Variants in SHROOM3 observed in about 807,000 individuals in gnomAD.
The protein encoded by SHROOM3 is shroom family member 3, also known as protein Shroom3.
In SHROOM3, 47 loss-of-function variants were observed where a neutral mutation model predicts 138.6. That is an observed-to-expected ratio of 0.34 (90% confidence interval 0.27 to 0.43). The LOEUF (loss-of-function observed/expected upper bound fraction) is 0.43. SHROOM3 is among the 20% of genes least tolerant of loss of function. SHROOM3 has a pLI of 1.00. For missense variants in SHROOM3, 2,491 were observed against 2,596.5 expected (o/e 0.96, Z 0.88); for synonymous variants, 1,062 against 1,063.3 (o/e 1.00, Z 0.02).
At chr4:76,691,750 A>C (rs2172505) in intron 2 of SHROOM3, among the ~76,000 whole-genome samples, 26,144 of 152,166 alleles carry the variant, frequency 0.17, 2,689 homozygotes, top group East Asian at 0.35. Context: ...ATCCTGTCTT[A>C]TGTGTTAAAT....
At chr4:76,461,112 T>A (rs1731134163) in intron 1 of SHROOM3, among the ~76,000 whole-genome samples, 1 of 152,080 alleles carries the variant, frequency 6.6e-6, no homozygotes, top group Non-Finnish European at 1.5e-5. Context: ...AAGCCCTATC[T>A]CTAAAAAGTC....
intron 2 of SHROOM3, among the ~76,000 whole-genome samples, chr4:76,584,281 G>C (rs764847209): frequency 1.3e-4 from 19 of 151,414 alleles, no homozygotes; most frequent in Non-Finnish European, 2.6e-4. Context: ...TTGCACCACT[G>C]CACTCCAGCC....
At chr4:76,685,509 C>T (rs1719311416) in intron 2 of SHROOM3, among the ~76,000 whole-genome samples, 1 of 152,000 alleles carries the variant, frequency 6.6e-6, no homozygotes, top group Admixed American at 6.6e-5. Context: ...TATAGATGAA[C>T]CAGGGAATTT....
chr4:76,764,247 A>G (rs1722077549), intron 9 of SHROOM3, among the ~76,000 whole-genome samples: 1 of 152,256 alleles, frequency 6.6e-6, no homozygotes, highest in East Asian at 1.9e-4. Context: ...AACTAAAGAC[A>G]GTGTAAATAA....
At chr4:76,695,692 T>G (rs1159945072) in intron 2 of SHROOM3, among the ~76,000 whole-genome samples, 2 of 152,234 alleles carry the variant, frequency 1.3e-5, no homozygotes, top group African/African-American at 4.8e-5. Flanking sequence ...GATCCTAGTA[T>G]CTGTTCCTAT....
intron 2 of SHROOM3, among the ~76,000 whole-genome samples, chr4:76,708,019 G>A (rs17002186): frequency 0.41 from 62,525 of 151,694 alleles, 14,028 homozygotes; most frequent in African/African-American, 0.58. Context: ...AGGGGCAAAG[G>A]TTAGCCTGGA....
chr4:76,730,548 T>C (rs1272978211), intron 3 of SHROOM3, among the ~76,000 whole-genome samples: 1 of 152,244 alleles, frequency 6.6e-6, no homozygotes, highest in Non-Finnish European at 1.5e-5. Flanking sequence ...GAGAATTCTT[T>C]ACACTAATTT....
intron 2 of SHROOM3, among the ~76,000 whole-genome samples, chr4:76,675,007 T>G (rs1009223868): frequency 6.6e-6 from 1 of 152,194 alleles, no homozygotes; most frequent in African/African-American, 2.4e-5. Flanking sequence ...TTTTCTGAAA[T>G]CTGGCAGTTA....
At chr4:76,507,513 A>T (rs935691169) in intron 1 of SHROOM3, among the ~76,000 whole-genome samples, 3 of 148,652 alleles carry the variant, frequency 2.0e-5, no homozygotes, top group African/African-American at 7.4e-5. Context: ...GCATCTTTTC[A>T]TGCACTTTTG....
At chr4:76,766,615 C>G (rs1410936627) in intron 9 of SHROOM3, among the ~76,000 whole-genome samples, 2 of 152,202 alleles carry the variant, frequency 1.3e-5, no homozygotes, top group Non-Finnish European at 2.9e-5. Flanking sequence ...TCTCCCTCCC[C>G]CGGTGAGTTA....
intron 2 of SHROOM3, among the ~76,000 whole-genome samples, chr4:76,557,762 A>G (rs1733517424): frequency 6.6e-6 from 1 of 152,216 alleles, no homozygotes; most frequent in Admixed American, 6.5e-5. Flanking sequence ...GGGCAATCCA[A>G]CATACTTTAC....
At chr4:76,757,695 C>A (rs1002332677) in intron 8 of SHROOM3, among the ~76,000 whole-genome samples, 11 of 152,224 alleles carry the variant, frequency 7.2e-5, no homozygotes, top group Non-Finnish European at 1.6e-4. Flanking sequence ...TGAGCCTCTG[C>A]TTCTGAAGCT....
At chr4:76,711,625 C>T (rs57192435) in intron 3 of SHROOM3, among the ~76,000 whole-genome samples, 26,501 of 151,906 alleles carry the variant, frequency 0.17, 2,602 homozygotes, top group East Asian at 0.33. Flanking sequence ...CCTGGGAGGT[C>T]GAGGCTACAG....
At chr4:76,528,584 T>C (rs912408034) in intron 1 of SHROOM3, among the ~76,000 whole-genome samples, 43 of 141,692 alleles carry the variant, frequency 3.0e-4, no homozygotes, top group African/African-American at 1.1e-3. Flanking sequence ...TTACTCTTGT[T>C]GCCCAGGCTG....
chr4:76,754,543 A>AT lies in SHROOM3; in HGVS notation c.4062dup (p.Gly1355TrpfsTer50). On this transcript the variant is annotated frameshift_variant, in exon 7 of 11. Transcript: ENST00000296043. LOFTEE classifies it high-confidence loss of function. ...CACCAGGGCTGCACCCCTGACCCCAATTGGCACCCCTCTGCCTTCAGCCAT... is the reference window on the plus strand; with the variant it reads ...CACCAGGGCTGCACCCCTGACCCCAATTTGGCACCCCTCTGCCTTCAGCCAT... The AT allele has an allele frequency of 6.2e-7, 1 of 1,613,596 alleles. No individual in the cohort carries two copies. The highest frequency in any genetic ancestry group is 8.5e-7 in the Non-Finnish European group (1 of 1,179,606).
chr4:76,497,930 T>G (rs1324556752), intron 1 of SHROOM3, among the ~76,000 whole-genome samples: 1 of 152,182 alleles, frequency 6.6e-6, no homozygotes, highest in Non-Finnish European at 1.5e-5. Context: ...CGTGCATGGC[T>G]GGAGCAGAGC....
At chr4:76,743,142 T>G (rs1464042400) in intron 5 of SHROOM3, among the ~76,000 whole-genome samples, 3 of 152,182 alleles carry the variant, frequency 2.0e-5, no homozygotes, top group African/African-American at 7.2e-5. Flanking sequence ...AATGGGATTT[T>G]GGGCCAGGAT....
At chr4:76,700,952 T>C (rs1719888343) in intron 2 of SHROOM3, among the ~76,000 whole-genome samples, 2 of 151,922 alleles carry the variant, frequency 1.3e-5, no homozygotes, top group Non-Finnish European at 2.9e-5. Flanking sequence ...AACCAGCTAG[T>C]TTTTGTATTT....
intron 2 of SHROOM3, among the ~76,000 whole-genome samples, chr4:76,697,051 G>C (rs1401825618): frequency 6.6e-6 from 1 of 151,626 alleles, no homozygotes; most frequent in Non-Finnish European, 1.5e-5. Context: ...TGAGTAACTA[G>C]GACCACAGGC....
Sources: allele counts gnomAD v4.1 joint callset (sites outside exome capture counted in the v4.1 genomes callset), GRCh38; gene constraint gnomAD v4.1.1; transcripts MANE v1.5; gene names NCBI Gene and HGNC (gene_info 2026-07-23, HGNC 2026-07-21).